THSD7B: variants seen among roughly 807,000 people sequenced by gnomAD.
The protein encoded by THSD7B is thrombospondin type 1 domain containing 7B.
In THSD7B, 138 loss-of-function variants were observed where a neutral mutation model predicts 213.6. The ratio of observed to expected loss-of-function variants is 0.65; its 90% CI spans 0.56 to 0.74. THSD7B has a LOEUF of 0.74. THSD7B is among the 30% of genes least tolerant of loss of function. THSD7B has a pLI of 0.00. For missense variants in THSD7B, 1,931 were observed against 1,991.5 expected (o/e 0.97, Z 0.58); for synonymous variants, 742 against 687.0 (o/e 1.08, Z -1.25).
In THSD7B at chr2:137,079,306, T is replaced by G. The variant is rs529056644; in HGVS notation, c.951-15567T>G. Among the ~76,000 whole-genome samples, 3 of 152,298 alleles carry G rather than the reference T, an allele frequency of 2.0e-5. No homozygotes were observed. In the South Asian group the frequency reaches 6.2e-4, roughly 32 times the overall value. Reference sequence around the variant, plus strand: ...TTACTATTTTTCTTCAGTTGGCCTATTTTGTACCAAAAATAGTTAAGTTAT... The same window carrying G: ...TTACTATTTTTCTTCAGTTGGCCTAGTTTGTACCAAAAATAGTTAAGTTAT... On this transcript the variant is annotated intron_variant, in intron 3 of 27. Transcript: ENST00000409968.
intron 12 of THSD7B, among the ~76,000 whole-genome samples, chr2:137,336,570 A>G (rs1188644204): frequency 6.6e-6 from 1 of 152,168 alleles, no homozygotes; most frequent in Non-Finnish European, 1.5e-5. Flanking sequence ...AGACATGTGC[A>G]AAACTCAGCA....
intron 12 of THSD7B, among the ~76,000 whole-genome samples, chr2:137,332,191 C>T (rs2104895258): frequency 6.6e-6 from 1 of 152,202 alleles, no homozygotes; most frequent in South Asian, 2.1e-4. Context: ...AGGAGGAGGG[C>T]TGTACCCTGC....
intron 2 of THSD7B, among the ~76,000 whole-genome samples, chr2:137,043,898 A>C (rs1355795411): frequency 2.0e-5 from 3 of 152,198 alleles, no homozygotes; most frequent in Non-Finnish European, 2.9e-5. Flanking sequence ...TACTTCTTAC[A>C]CACATCTCTC....
At chr2:137,615,530 G>A (rs1682367827) in intron 17 of THSD7B, among the ~76,000 whole-genome samples, 1 of 152,174 alleles carries the variant, frequency 6.6e-6, no homozygotes, top group South Asian at 2.1e-4. Flanking sequence ...GCTACAGGAG[G>A]ACATGTGGAG....
intron 2 of THSD7B, among the ~76,000 whole-genome samples, chr2:137,034,769 T>C (rs1686741518): frequency 6.6e-6 from 1 of 152,220 alleles, no homozygotes; most frequent in African/African-American, 2.4e-5. Context: ...AGATATGAAC[T>C]CATTCTTTTT....
chr2:137,221,066 C>T (rs549604931), intron 7 of THSD7B, among the ~76,000 whole-genome samples: 7 of 152,108 alleles, frequency 4.6e-5, no homozygotes, highest in South Asian at 4.1e-4. Flanking sequence ...TTTGGGAGTC[C>T]GAGGCGGGCG....
chr2:137,285,132 T>C (rs192954460), intron 12 of THSD7B, among the ~76,000 whole-genome samples: 3 of 152,312 alleles, frequency 2.0e-5, no homozygotes, highest in Admixed American at 1.3e-4. Context: ...TCTTGTTGAA[T>C]TGATCCCTTT....
intron 15 of THSD7B, among the ~76,000 whole-genome samples, chr2:137,561,890 CT>C (rs1681126858): frequency 6.6e-6 from 1 of 152,106 alleles, no homozygotes; most frequent in Admixed American, 6.6e-5. Flanking sequence ...ATTTTCCCAT[CT>C]TTCATTTTGT....
chr2:137,091,647 T>C (rs533725853), intron 3 of THSD7B, among the ~76,000 whole-genome samples: 4 of 152,260 alleles, frequency 2.6e-5, no homozygotes, highest in African/African-American at 7.2e-5. Flanking sequence ...TCCCGCTGTG[T>C]CTTCACATGG....
chr2:137,125,977 A>G (rs1411192797), intron 5 of THSD7B, among the ~76,000 whole-genome samples: 2 of 152,196 alleles, frequency 1.3e-5, no homozygotes, highest in Non-Finnish European at 2.9e-5. Flanking sequence ...TCTGAGCAGT[A>G]GGCCTCAACA....
intron 5 of THSD7B, among the ~76,000 whole-genome samples, chr2:137,140,517 G>A (rs560258825): frequency 6.6e-6 from 1 of 152,124 alleles, no homozygotes; most frequent in East Asian, 1.9e-4. Flanking sequence ...AAAATTCCGT[G>A]TCATTTAAAT....
intron 1 of THSD7B, among the ~76,000 whole-genome samples, chr2:136,826,320 A>T (rs1682645767): frequency 6.6e-6 from 1 of 152,222 alleles, no homozygotes; most frequent in African/African-American, 2.4e-5. Flanking sequence ...GTACATTTGC[A>T]CAAAATAAAC....
At chr2:137,511,802 G>A (rs777749407) in intron 15 of THSD7B, among the ~76,000 whole-genome samples, 62 of 152,126 alleles carry the variant, frequency 4.1e-4, no homozygotes, top group Non-Finnish European at 7.1e-4. Flanking sequence ...GGGAGTTTAG[G>A]AGTAAACTGA....
At chr2:136,936,354 A>G (rs937627920) in intron 2 of THSD7B, among the ~76,000 whole-genome samples, 10 of 152,200 alleles carry the variant, frequency 6.6e-5, no homozygotes, top group Non-Finnish European at 1.2e-4. Context: ...CATTATACGG[A>G]AAAGATAATT....
intron 1 of THSD7B, among the ~76,000 whole-genome samples, chr2:136,872,660 T>C (rs369461494): frequency 1.5e-4 from 23 of 151,042 alleles, no homozygotes; most frequent in African/African-American, 5.6e-4. Flanking sequence ...CTCCTCTCTC[T>C]TCTCTCTCCC....
At chr2:136,908,947 G>A (rs993983656) in intron 2 of THSD7B, among the ~76,000 whole-genome samples, 12 of 152,134 alleles carry the variant, frequency 7.9e-5, no homozygotes, top group East Asian at 7.7e-4. Context: ...TTGGGAGGCC[G>A]AGGTGGGAGA....
chr2:137,338,137 G>A (rs556616498), intron 12 of THSD7B, among the ~76,000 whole-genome samples: 1 of 152,200 alleles, frequency 6.6e-6, no homozygotes, highest in South Asian at 2.1e-4. Flanking sequence ...TTAGTTTGAA[G>A]CCTGGCTAAG....
intron 15 of THSD7B, among the ~76,000 whole-genome samples, chr2:137,509,371 C>G (rs907520001): frequency 1.4e-5 from 2 of 144,930 alleles, no homozygotes; most frequent in African/African-American, 5.1e-5. Flanking sequence ...TCCTCCCTTC[C>G]TTTCTTCCTT....
intron 2 of THSD7B, among the ~76,000 whole-genome samples, chr2:136,937,724 G>A (rs576902): frequency 0.41 from 61,922 of 151,938 alleles, 14,816 homozygotes; most frequent in Non-Finnish European, 0.55. Context: ...TTGGCTGGAA[G>A]TCATCTTCAC....
Sources: allele counts gnomAD v4.1 joint callset (sites outside exome capture counted in the v4.1 genomes callset), GRCh38; gene constraint gnomAD v4.1.1; transcripts MANE v1.5; gene names NCBI Gene and HGNC (gene_info 2026-07-23, HGNC 2026-07-21).